PLAC1: variants seen among roughly 807,000 people sequenced by gnomAD.
PLAC1 encodes placenta-specific protein 1.
For synonymous variants in PLAC1, 68 were observed against 62.1 expected, an observed-to-expected ratio of 1.09 and a Z score of -0.44; for missense variants, 136 against 163.2, an observed-to-expected ratio of 0.83 and a Z score of 0.91.
intron 1 of PLAC1, among the ~76,000 whole-genome samples, chrX:134,622,126 T>C (rs1367651472): frequency 8.9e-6 from 1 of 111,962 alleles, no homozygotes; most frequent in Non-Finnish European, 1.9e-5. Context: ...TTGGGCTGTA[T>C]CAGTTGGCAG....
At chrX:134,704,632 ATATT>A (rs1002964978) in intron 2 of PLAC1, among the ~76,000 whole-genome samples, 2 of 106,223 alleles carry the variant, frequency 1.9e-5, no homozygotes, top group African/African-American at 3.4e-5. Flanking sequence ...ACTTTAATAT[ATATT>A]TATATATTAT....
chrX:134,679,433 G>C (rs1219263376), intron 2 of PLAC1, among the ~76,000 whole-genome samples: 1 of 110,940 alleles, frequency 9.0e-6, no homozygotes, highest in African/African-American at 3.3e-5. Flanking sequence ...GTGCTGAAAA[G>C]AACTCTGAGG....
intron 2 of PLAC1, among the ~76,000 whole-genome samples, chrX:134,570,098 C>T (rs1569373255): frequency 9.0e-6 from 1 of 111,668 alleles, no homozygotes; most frequent in Non-Finnish European, 1.9e-5. Flanking sequence ...CCAAAGTGCT[C>T]GGATTACAGG....
intron 1 of PLAC1, among the ~76,000 whole-genome samples, chrX:134,733,960 C>T (rs896065739): frequency 2.7e-5 from 3 of 111,887 alleles, no homozygotes; most frequent in African/African-American, 9.8e-5. Flanking sequence ...GTTTAGTGGC[C>T]TCACCTCTGG....
At chrX:134,624,685 T>A (rs1404604783) in intron 1 of PLAC1, among the ~76,000 whole-genome samples, 1 of 111,784 alleles carries the variant, frequency 8.9e-6, no homozygotes, top group Non-Finnish European at 1.9e-5. Flanking sequence ...GCTTTGTATG[T>A]GGTTAAAACT....
In PLAC1 at chrX:134,708,969, G is replaced by A. The variant is rs180954716; in HGVS notation, n.174+24466C>T. On this transcript the variant is annotated intron_variant and non_coding_transcript_variant, in intron 2 of 2. Transcript: ENST00000466797. ...ATGTAAAATATAATCATGGGAGAAA[G>A]TCAGTGAATGGTACAGGGGGCCTCT... 7.5e-4 allele frequency among the ~76,000 whole-genome samples: 84 copies of A among 111,894 alleles called. 1 individual carries two copies. The highest frequency in any genetic ancestry group is 2.6e-3 in the African/African-American group (80 of 30,785).
chrX:134,570,818 C>G (rs980329104), intron 2 of PLAC1, among the ~76,000 whole-genome samples: 14 of 112,076 alleles, frequency 1.2e-4, no homozygotes, highest in Non-Finnish European at 2.3e-4. Context: ...ACATTTCCCA[C>G]TAGCTCCTTT....
chrX:134,753,456 G>A (rs1765432166), intron 1 of PLAC1, among the ~76,000 whole-genome samples: 2 of 110,609 alleles, frequency 1.8e-5, no homozygotes, highest in African/African-American at 6.6e-5. Flanking sequence ...TACGATAACA[G>A]CAAAAAGTAA....
At chrX:134,714,678 A>G (rs777378269) in intron 2 of PLAC1, among the ~76,000 whole-genome samples, 20 of 110,216 alleles carry the variant, frequency 1.8e-4, no homozygotes, top group Non-Finnish European at 3.4e-4. Context: ...GGCAACCCCC[A>G]TTCTACTGTC....
chrX:134,724,110 T>C (rs1458887285), intron 2 of PLAC1, among the ~76,000 whole-genome samples: 1 of 112,033 alleles, frequency 8.9e-6, no homozygotes, highest in African/African-American at 3.2e-5. Flanking sequence ...TGAAGGAGGC[T>C]AATGAGACAT....
chrX:134,578,183 G>A (rs1469909417), intron 2 of PLAC1, among the ~76,000 whole-genome samples: 2 of 111,249 alleles, frequency 1.8e-5, no homozygotes, highest in Non-Finnish European at 3.8e-5. Context: ...GGAGGCCCAG[G>A]TGGGCGGATC....
intron 1 of PLAC1, among the ~76,000 whole-genome samples, chrX:134,629,369 C>A (rs1358338758): frequency 9.0e-6 from 1 of 111,179 alleles, no homozygotes; most frequent in East Asian, 2.8e-4. Flanking sequence ...TTTAACTGAT[C>A]CCACATGAAG....
intron 2 of PLAC1, among the ~76,000 whole-genome samples, chrX:134,715,337 T>C (rs139714249): frequency 2.6e-3 from 293 of 111,117 alleles, no homozygotes; most frequent in Non-Finnish European, 3.9e-3. Context: ...TTGCTTCTGA[T>C]TTGGGGTTGG....
intron 2 of PLAC1, among the ~76,000 whole-genome samples, chrX:134,572,496 C>G (rs1326189544): frequency 8.9e-6 from 1 of 112,080 alleles, no homozygotes. Context: ...AGTAACCGCA[C>G]ATTATTCATC....
intron 2 of PLAC1, among the ~76,000 whole-genome samples, chrX:134,729,383 T>G (rs2078682303): frequency 8.9e-6 from 1 of 112,097 alleles, no homozygotes; most frequent in Admixed American, 9.5e-5. Context: ...TGTACTATAC[T>G]TATCTTGTTT....
chrX:134,639,667 C>T (rs1047463562), intron 1 of PLAC1, among the ~76,000 whole-genome samples: 2 of 112,108 alleles, frequency 1.8e-5, no homozygotes, highest in Admixed American at 1.9e-4. Context: ...TAACCATCAC[C>T]TCTATCTAGT....
At chrX:134,567,091 G>A (rs1337826536) in intron 2 of PLAC1, among the ~76,000 whole-genome samples, 1 of 112,334 alleles carries the variant, frequency 8.9e-6, no homozygotes, top group Non-Finnish European at 1.9e-5. Flanking sequence ...ATAGGAGATA[G>A]AGTTTAATTC....
chrX:134,758,680 A>G (rs1460647823), intron 1 of PLAC1, among the ~76,000 whole-genome samples: 2 of 112,149 alleles, frequency 1.8e-5, no homozygotes, highest in Non-Finnish European at 3.8e-5. Flanking sequence ...AACTATAAAA[A>G]CACTACAAGA....
At chrX:134,567,127 G>A (rs1211195537) in intron 2 of PLAC1, among the ~76,000 whole-genome samples, 1 of 112,015 alleles carries the variant, frequency 8.9e-6, no homozygotes, top group Non-Finnish European at 1.9e-5. Context: ...CCCTCTTTAG[G>A]GGCCTCCATG....
Sources: allele counts gnomAD v4.1 joint callset (sites outside exome capture counted in the v4.1 genomes callset), GRCh38; gene constraint gnomAD v4.1.1; transcripts MANE v1.5; gene names NCBI Gene and HGNC (gene_info 2026-07-23, HGNC 2026-07-21).